The following TUBB8 variants were observed in gnomAD, a reference collection of about 807,000 sequenced individuals.
TUBB8 encodes the protein tubulin beta 8 class VIII, also known as tubulin beta-8 chain.
TUBB8 carries 25 observed loss-of-function variants against 33.7 expected under a neutral mutation model. That is an observed-to-expected ratio of 0.74 (90% confidence interval 0.54 to 1.04). TUBB8 has a LOEUF of 1.04. TUBB8 is among the 50% of genes least tolerant of loss of function. The probability of loss-of-function intolerance (pLI) is 0.00; values close to 1 mark genes in which losing one functional copy is unlikely to be tolerated. For missense variants in TUBB8, 279 were observed against 608.0 expected (o/e 0.46, Z 5.69); for synonymous variants, 245 against 240.1 (o/e 1.02, Z -0.19).
intron 1 of TUBB8, among the ~76,000 whole-genome samples, chr10:72,493 G>C (rs1294002117): frequency 6.6e-6 from 1 of 152,232 alleles, no homozygotes; most frequent in Non-Finnish European, 1.5e-5. Context: ...AGGAGGTGGA[G>C]GTTGCAGTGA....
chr10:64,975 T>TAAAAAAAAAAAAAAA (rs61340461), intron 1 of TUBB8, among the ~76,000 whole-genome samples: 358 of 118,382 alleles, frequency 3.0e-3, no homozygotes, highest in Middle Eastern at 0.014. Flanking sequence ...CCATCTCCAC[T>TAAAAAAAAAAAAAAA]AAAAAAAAAA....
intron 1 of TUBB8, among the ~76,000 whole-genome samples, chr10:55,276 G>C (rs12255795): frequency 1.1e-3 from 150 of 131,794 alleles, no homozygotes; most frequent in Middle Eastern, 4.1e-3. Flanking sequence ...AACCTGGAGG[G>C]AACCAACCCC....
intron 1 of TUBB8, among the ~76,000 whole-genome samples, chr10:57,813 C>CTTT (rs113012935): frequency 1.4e-5 from 2 of 145,936 alleles, no homozygotes; most frequent in African/African-American, 5.1e-5. Context: ...TCAACACTTG[C>CTTT]TTTTTTTTTA....
rs184745815 is a variant in TUBB8, at chr10:68,529, G to A, written c.-846+5440C>T. 3.6e-3 allele frequency among the ~76,000 whole-genome samples: 545 copies of A among 152,302 alleles called. 2 individuals are homozygous for A. Among genetic ancestry groups the A allele is most frequent in the Middle Eastern group, 6.8e-3 (2 of 294 alleles). ...GCTTCCACTGACCTGAATTTGGACT[G>A]GGTTTGGCCTCTGTAGTGAAGTTTG... On this transcript the variant is annotated intron_variant, in intron 1 of 3. Transcript: ENST00000564130.
intron 1 of TUBB8, among the ~76,000 whole-genome samples, chr10:55,723 GC>G (rs1554740094): frequency 6.6e-6 from 1 of 152,192 alleles, no homozygotes; most frequent in Admixed American, 6.5e-5. Flanking sequence ...AGTTTTCCCA[GC>G]CCTATTTATT....
chr10:72,552 C>A (rs2130953758), intron 1 of TUBB8, among the ~76,000 whole-genome samples: 1 of 151,510 alleles, frequency 6.6e-6, no homozygotes, highest in Admixed American at 6.6e-5. Context: ...AGTGAGACTC[C>A]ATGTCAAAAA....
chr10:74,212 G>C (rs1305125380), upstream of TUBB8: 1 of 151,206 alleles, frequency 6.6e-6, no homozygotes, highest in Non-Finnish European at 1.5e-5. Context: ...AGGGCCGGGC[G>C]CCCCCTCGCG....
Position 46,916 on chromosome 10 carries a change from A to G in TUBB8, c.*141T>C. 3.5e-6 allele frequency: 2 copies of G among 577,192 alleles called. No individual in the cohort carries two copies. 35.8% of individuals were successfully genotyped at this position (577,192 alleles called of 1,614,324 possible). On this transcript the variant is annotated 3_prime_UTR_variant, in exon 4 of 4. Coordinates refer to ENST00000568584, the MANE Select transcript of TUBB8 (RefSeq NM_177987.3). ...ATGCTGTGAGAATACTTTATTAGTC[A>G]AAACCGCATACTATAAAAATGCTTT...
At chr10:51,305 C>T (rs1183305152), upstream of TUBB8, among the ~76,000 whole-genome samples, 1 of 152,184 alleles carries the variant, frequency 6.6e-6, no homozygotes, top group African/African-American at 2.4e-5. Flanking sequence ...GACGAGGTTT[C>T]ACCATGTCGG....
chr10:73,263 G>A (rs1834761319), intron 1 of TUBB8, among the ~76,000 whole-genome samples: 1 of 152,228 alleles, frequency 6.6e-6, no homozygotes, highest in African/African-American at 2.4e-5. Context: ...CCCAGGGCTT[G>A]AGTGCAGTGG....
chr10:76,340 G>T (rs1200847676), upstream of TUBB8, among the ~76,000 whole-genome samples: 1 of 152,104 alleles, frequency 6.6e-6, no homozygotes, highest in Non-Finnish European at 1.5e-5. Context: ...TGTGCTGGGG[G>T]TGAGCCGCCC....
chr10:74,625 C>CAA (rs35723619), upstream of TUBB8, among the ~76,000 whole-genome samples: 136 of 89,324 alleles, frequency 1.5e-3, no homozygotes, highest in South Asian at 2.3e-3. Context: ...GACTCAGTAT[C>CAA]AAAAAAAAAA....
chr10:68,283 T>G (rs1467322878), intron 1 of TUBB8, among the ~76,000 whole-genome samples: 1 of 152,220 alleles, frequency 6.6e-6, no homozygotes, highest in African/African-American at 2.4e-5. Context: ...CCCATAATAC[T>G]GATATGACAC....
At chr10:62,375 C>CTAATAA (rs1834614321) in intron 1 of TUBB8, among the ~76,000 whole-genome samples, 1 of 144,512 alleles carries the variant, frequency 6.9e-6, no homozygotes, top group Admixed American at 6.8e-5. Flanking sequence ...AGCAAAGCAA[C>CTAATAA]TAATAAAAAC....
intron 1 of TUBB8, among the ~76,000 whole-genome samples, chr10:72,134 A>C (rs1278451718): frequency 1.3e-5 from 2 of 151,908 alleles, no homozygotes; most frequent in Admixed American, 6.6e-5. Flanking sequence ...CTGAGGTAGG[A>C]GAATTGCTTG....
At chr10:49,102 G>A (rs1472834103) in intron 1 of TUBB8, 80 bp downstream of exon 1, 6 of 1,456,562 alleles carry the variant, frequency 4.1e-6, no homozygotes, top group Non-Finnish European at 4.7e-6. Context: ...CAATGCATGG[G>A]CACCGCCCCC....
chr10:58,106 T>TTTG, intron 1 of TUBB8, among the ~76,000 whole-genome samples: 1 of 152,258 alleles, frequency 6.6e-6, no homozygotes, highest in Admixed American at 6.5e-5. Flanking sequence ...AACTTTTATA[T>TTTG]ATCCCTAGGG....
At chr10:51,269 T>G (rs1233994554), upstream of TUBB8, among the ~76,000 whole-genome samples, 12 of 152,178 alleles carry the variant, frequency 7.9e-5, no homozygotes, top group Non-Finnish European at 1.6e-4. Flanking sequence ...CCACCATGCC[T>G]GTCTAATTTT....
chr10:73,202 G>T (rs1324413504), intron 1 of TUBB8, among the ~76,000 whole-genome samples: 1 of 152,220 alleles, frequency 6.6e-6, no homozygotes, highest in Non-Finnish European at 1.5e-5. Context: ...TGGTGTTTTT[G>T]GTTTTGTTTT....
Sources: allele counts gnomAD v4.1 joint callset (sites outside exome capture counted in the v4.1 genomes callset), GRCh38; gene constraint gnomAD v4.1.1; transcripts MANE v1.5; gene names NCBI Gene and HGNC (gene_info 2026-07-23, HGNC 2026-07-21).